SMIM35: variants seen among roughly 807,000 people sequenced by gnomAD.
The protein encoded by SMIM35 is TMPRSS4 antisense RNA 1 (non-protein coding).
At chr11:118,032,347 T>C (rs1300303766) in intron 1 of SMIM35, among the ~76,000 whole-genome samples, 1 of 152,174 alleles carries the variant, frequency 6.6e-6, no homozygotes, top group Non-Finnish European at 1.5e-5. Flanking sequence ...CTGTAGGAAA[T>C]ACATTCTAGA....
chr11:118,035,919 G>A (rs1001146536), intron 1 of SMIM35, among the ~76,000 whole-genome samples: 1 of 152,040 alleles, frequency 6.6e-6, no homozygotes, highest in Non-Finnish European at 1.5e-5. Flanking sequence ...GTCGAGTCTC[G>A]CTCTATCGCC....
intron 1 of SMIM35, among the ~76,000 whole-genome samples, chr11:118,074,773 G>A (rs1341489146): frequency 6.6e-6 from 1 of 151,180 alleles, no homozygotes. Context: ...AAAGAATGTG[G>A]GTTCTGGTCC....
chr11:118,055,394 A>G (rs932925170), intron 1 of SMIM35, among the ~76,000 whole-genome samples: 6 of 152,072 alleles, frequency 3.9e-5, no homozygotes, highest in African/African-American at 1.4e-4. Flanking sequence ...CAGCTGTTCC[A>G]TTTCAACAGC....
intron 1 of SMIM35, among the ~76,000 whole-genome samples, chr11:118,037,633 T>C (rs1943926897): frequency 6.6e-6 from 1 of 152,254 alleles, no homozygotes; most frequent in Non-Finnish European, 1.5e-5. Context: ...CTCTTCGATT[T>C]TGAAGGACTA....
At chr11:118,077,628 G>A (rs888579982) in intron 1 of SMIM35, among the ~76,000 whole-genome samples, 13 of 152,172 alleles carry the variant, frequency 8.5e-5, no homozygotes, top group African/African-American at 2.4e-4. Flanking sequence ...TTGGTTAGAG[G>A]TTGGCACTAT....
At chr11:118,065,845 C>T (rs1405068977) in intron 1 of SMIM35, among the ~76,000 whole-genome samples, 4 of 152,126 alleles carry the variant, frequency 2.6e-5, no homozygotes, top group South Asian at 2.1e-4. Context: ...TGCGTTTTGT[C>T]CAATTCTTTG....
At chr11:118,063,203 T>C (rs913065817) in intron 1 of SMIM35, among the ~76,000 whole-genome samples, 1 of 152,208 alleles carries the variant, frequency 6.6e-6, no homozygotes, top group Non-Finnish European at 1.5e-5. Context: ...ATTCCTTTAG[T>C]TTCTTAATAA....
In SMIM35 at chr11:118,057,234, T is replaced by C. The variant is rs571748246; in HGVS notation, c.7+29517A>G. Among the ~76,000 whole-genome samples, 6 of 152,288 alleles carry C rather than the reference T, an allele frequency of 3.9e-5. No individual in the cohort carries two copies. The East Asian group carries it at 9.6e-4, about 24-fold the overall frequency. On this transcript the variant is annotated intron_variant, in intron 1 of 4. Coordinates refer to ENST00000689828, the MANE Select transcript of SMIM35 (RefSeq NM_001394165.1). ...GGCTTTGAAGGGATAGAGACAAACC[T>C]TCCTGGAAACCAAAGTGCACTCAGG... is the stretch of plus-strand genomic sequence containing the variant.
intron 1 of SMIM35, among the ~76,000 whole-genome samples, chr11:118,020,932 C>T (rs142567604): frequency 3.9e-4 from 60 of 152,168 alleles, no homozygotes; most frequent in African/African-American, 8.9e-4. Flanking sequence ...AGACTTGATA[C>T]GTAATATTTT....
chr11:118,039,744 CAAA>C (rs1482176431), intron 1 of SMIM35, among the ~76,000 whole-genome samples: 1 of 151,464 alleles, frequency 6.6e-6, no homozygotes, highest in Non-Finnish European at 1.5e-5. Context: ...GAAAACTTAT[CAAA>C]TTTATTGAGA....
chr11:118,057,143 G>A (rs1371227551), intron 1 of SMIM35, among the ~76,000 whole-genome samples: 2 of 152,174 alleles, frequency 1.3e-5, no homozygotes, highest in Admixed American at 1.3e-4. Flanking sequence ...GAGAAAGGGC[G>A]ACACTGAAGG....
At chr11:118,061,189 C>T (rs556660865) in intron 1 of SMIM35, among the ~76,000 whole-genome samples, 8 of 152,356 alleles carry the variant, frequency 5.3e-5, no homozygotes, top group South Asian at 2.1e-4. Context: ...AAGGCGCAAG[C>T]CCAGCATCAT....
At chr11:118,045,086 G>A (rs1263275938) in intron 1 of SMIM35, among the ~76,000 whole-genome samples, 1 of 152,128 alleles carries the variant, frequency 6.6e-6, no homozygotes, top group Admixed American at 6.6e-5. Flanking sequence ...GGAGGCAGAT[G>A]TGGAGATGAT....
intron 1 of SMIM35, among the ~76,000 whole-genome samples, chr11:118,057,342 T>C (rs1944330169): frequency 6.6e-6 from 1 of 152,208 alleles, no homozygotes; most frequent in Non-Finnish European, 1.5e-5. Context: ...TGAGGATCTC[T>C]GCTTCCTCTG....
chr11:118,081,190 G>A lies in SMIM35; in HGVS notation c.7+5561C>T, dbSNP rs946745515. ...ACCAATTTCTGATTTATCTGACACTGAAAACAAGGCTCACCCGAAGTCCAA... is the reference window on the plus strand; with the variant it reads ...ACCAATTTCTGATTTATCTGACACTAAAAACAAGGCTCACCCGAAGTCCAA... On this transcript the variant is annotated intron_variant, in intron 1 of 4. Transcript: ENST00000689828. Among the ~76,000 whole-genome samples the A allele has an allele frequency of 2.6e-5, 4 of 152,182 alleles. 1 individual carries two copies. The highest frequency in any genetic ancestry group is 1.3e-4 in the Admixed American group (2 of 15,276).
intron 4 of SMIM35, among the ~76,000 whole-genome samples, chr11:118,008,964 A>G (rs2058136805): frequency 1.3e-5 from 2 of 152,234 alleles, no homozygotes; most frequent in Non-Finnish European, 2.9e-5. Flanking sequence ...TCAATAATAA[A>G]GTTATGGGGG....
chr11:118,052,688 C>A (rs1944237222), intron 1 of SMIM35, among the ~76,000 whole-genome samples: 1 of 152,050 alleles, frequency 6.6e-6, no homozygotes, highest in Admixed American at 6.6e-5. Context: ...CCACGACCCC[C>A]ACCTGGGCAT....
In SMIM35 at chr11:118,073,251, A is replaced by G. The variant is rs961082463; in HGVS notation, c.7+13500T>C. Among the ~76,000 whole-genome samples the G allele has an allele frequency of 1.3e-5, 2 of 152,224 alleles. 1 individual carries two copies. Among genetic ancestry groups the G allele is most frequent in the Admixed American group, 1.3e-4 (2 of 15,274 alleles). On this transcript the variant is annotated intron_variant, in intron 1 of 4. Coordinates refer to ENST00000689828, the MANE Select transcript of SMIM35 (RefSeq NM_001394165.1). Reference sequence around the variant, plus strand: ...CTGCGCCCAGCCAGGATTATCTCTTAATCTTCATAACAACCCTATGAGGTC... The same window carrying G: ...CTGCGCCCAGCCAGGATTATCTCTTGATCTTCATAACAACCCTATGAGGTC...
chr11:118,063,956 G>A (rs1376500456), intron 1 of SMIM35, among the ~76,000 whole-genome samples: 1 of 152,230 alleles, frequency 6.6e-6, no homozygotes, highest in Non-Finnish European at 1.5e-5. Context: ...GCAAATGAGG[G>A]AGTTGTGGGA....
Sources: allele counts gnomAD v4.1 joint callset (sites outside exome capture counted in the v4.1 genomes callset), GRCh38; gene constraint gnomAD v4.1.1; transcripts MANE v1.5; gene names NCBI Gene and HGNC (gene_info 2026-07-23, HGNC 2026-07-21).